LNX1: variants seen among roughly 807,000 people sequenced by gnomAD.
LNX1 encodes the protein ligand of numb-protein X 1.
Under a neutral mutation model 68.4 loss-of-function variants are expected in LNX1, and 54 were observed. The ratio of observed to expected loss-of-function variants is 0.79; its 90% CI spans 0.63 to 0.99. The LOEUF (loss-of-function observed/expected upper bound fraction) is 0.99. LNX1 is among the 50% of genes least tolerant of loss of function. The pLI, the probability that LNX1 is intolerant of heterozygous loss-of-function variation, is 0.00. For synonymous variants in LNX1, 336 were observed against 350.0 expected, an observed-to-expected ratio of 0.96 and a Z score of 0.45; for missense variants, 906 against 926.4, an observed-to-expected ratio of 0.98 and a Z score of 0.29.
chr4:53,564,938 G>C (rs908763118), intron 2 of LNX1, among the ~76,000 whole-genome samples: 1 of 152,146 alleles, frequency 6.6e-6, no homozygotes, highest in Non-Finnish European at 1.5e-5. Flanking sequence ...GCGCTTTTCC[G>C]ACGGGCTTAA....
At chr4:53,496,506 C>T (rs1159436056) in intron 5 of LNX1, 112 bp from the exon 6 acceptor site, 2 of 1,311,324 alleles carry the variant, frequency 1.5e-6, no homozygotes, top group South Asian at 1.5e-5. Context: ...GCTCTGCTCT[C>T]CCACCTCATC....
chr4:53,565,323 C>T (rs867618284), intron 2 of LNX1, among the ~76,000 whole-genome samples: 72 of 152,236 alleles, frequency 4.7e-4, no homozygotes, highest in Middle Eastern at 3.4e-3. Flanking sequence ...ACTCCCTCCT[C>T]AAGTGGGTCC....
chr4:53,587,485 T>C (rs1732247195), intron 1 of LNX1, among the ~76,000 whole-genome samples: 1 of 152,218 alleles, frequency 6.6e-6, no homozygotes, highest in African/African-American at 2.4e-5. Flanking sequence ...AAAGAGAGTC[T>C]ATGTAATGTC....
rs554641961 is a variant in LNX1, at chr4:53,537,056, G to A, written c.381-28829C>T. 1.9e-3 allele frequency among the ~76,000 whole-genome samples: 286 copies of A among 152,290 alleles called. 3 individuals are homozygous for A. The highest frequency in any genetic ancestry group is 0.017 in the South Asian group (84 of 4,816). On this transcript the variant is annotated intron_variant, in intron 2 of 10. Coordinates refer to ENST00000263925, the MANE Select transcript of LNX1 (RefSeq NM_001126328.3). ...TGAGCCACTAGGCATGCCATTAGGT[G>A]AAAAGACTCACCTCTAGGTTTGTTT...
At chr4:53,499,733 G>A (rs1725343683) in intron 4 of LNX1, among the ~76,000 whole-genome samples, 1 of 152,126 alleles carries the variant, frequency 6.6e-6, no homozygotes. Context: ...CAGGCTTGGG[G>A]GAACATCAGT....
At chr4:53,523,001 C>T (rs1311794313) in intron 2 of LNX1, 3 of 152,142 alleles carry the variant, frequency 2.0e-5, no homozygotes, top group Admixed American at 2.0e-4. Flanking sequence ...GGTTCTTAAC[C>T]TTGGCTGAGC....
At chr4:53,488,040 C>A (rs28404076) in intron 6 of LNX1, among the ~76,000 whole-genome samples, 35,445 of 152,034 alleles carry the variant, frequency 0.23, 4,518 homozygotes, top group South Asian at 0.53. Flanking sequence ...GGCACTGGTT[C>A]CATAAAATTA....
In LNX1 at chr4:53,647,279, CACAA is replaced by C. The variant is rs1447568786; in HGVS notation, c.-215+4885_-215+4888del. The stretch of plus-strand genomic sequence containing the variant: ...CCTAAATGTTTTAGTAATGTGCATA[CACAA>C]ACACACACACAATGAATAATTAAGC... On this transcript the variant is annotated intron_variant, in intron 1 of 2. Transcript: ENST00000507168. 6.6e-5 allele frequency among the ~76,000 whole-genome samples: 10 copies of C among 152,328 alleles called. No homozygotes were observed. The East Asian group carries it at 1.5e-3, about 23-fold the overall frequency.
intron 1 of LNX1, among the ~76,000 whole-genome samples, chr4:53,583,698 G>A (rs900728476): frequency 1.2e-4 from 19 of 152,268 alleles, no homozygotes; most frequent in African/African-American, 3.9e-4. Flanking sequence ...AAAAACAAGG[G>A]AAGTGGTTAA....
intron 1 of LNX1, among the ~76,000 whole-genome samples, chr4:53,584,410 C>G (rs1202313903): frequency 6.6e-6 from 1 of 152,040 alleles, no homozygotes; most frequent in South Asian, 2.1e-4. Context: ...AAAAACACTG[C>G]AAGAGAATAC....
At chr4:53,618,007 T>G (rs2109856248), upstream of LNX1, among the ~76,000 whole-genome samples, 1 of 152,308 alleles carries the variant, frequency 6.6e-6, no homozygotes, top group South Asian at 2.1e-4. Flanking sequence ...TTTATTTTTC[T>G]TATTGGTGTT....
At chr4:53,474,152 C>T (rs544710001) in intron 9 of LNX1, among the ~76,000 whole-genome samples, 1 of 152,146 alleles carries the variant, frequency 6.6e-6, no homozygotes, top group Non-Finnish European at 1.5e-5. Flanking sequence ...TTAACCAGTT[C>T]CTAATTGGCA....
rs533482566 is a variant in LNX1, at chr4:53,532,628, C to T, written c.381-24401G>A. ...GTCCCCATAGGAAATTCTCCTCATG[C>T]CAGTTGGAAAATAACATTCCCTATG... is the stretch of plus-strand genomic sequence containing the variant. On this transcript the variant is annotated intron_variant, in intron 2 of 10. Transcript: ENST00000263925. 3.9e-5 allele frequency among the ~76,000 whole-genome samples: 6 copies of T among 152,258 alleles called. No individual in the cohort carries two copies. In the South Asian group the frequency reaches 1.2e-3, roughly 32 times the overall value.
At chr4:53,570,611 G>A (rs569311252) in intron 2 of LNX1, among the ~76,000 whole-genome samples, 2,495 of 150,896 alleles carry the variant, frequency 0.017, 36 homozygotes, top group Non-Finnish European at 0.027. Flanking sequence ...ACATGTATAC[G>A]TATGTAACTA....
rs745375771 is a variant in LNX1 at position 53,574,043 on chromosome 4, A to G, written c.-41T>C. ...AGTATAACAGGAAACTCAGTCACAC[A>G]ATATTTCCTCAGGAGCAAGTCAAGA... On this transcript the variant is annotated 5_prime_UTR_variant, in exon 2 of 11. Transcript: ENST00000263925. 1.3e-4 allele frequency: 201 copies of G among 1,566,334 alleles called. No individual in the cohort carries two copies. The highest frequency in any genetic ancestry group is 3.6e-4 in the Admixed American group (20 of 55,200).
chr4:53,605,051 C>T (rs572681259), intron 2 of LNX1, among the ~76,000 whole-genome samples: 1 of 152,212 alleles, frequency 6.6e-6, no homozygotes, highest in African/African-American at 2.4e-5. Flanking sequence ...AAGCTGCCAG[C>T]TCAGTTAAGG....
chr4:53,587,494 TC>T (rs1163372640), intron 1 of LNX1, among the ~76,000 whole-genome samples: 4 of 152,184 alleles, frequency 2.6e-5, no homozygotes, highest in African/African-American at 9.7e-5. Flanking sequence ...CTATGTAATG[TC>T]AGTACATAAA....
chr4:53,502,424 T>A (rs56357115), intron 4 of LNX1, among the ~76,000 whole-genome samples: 2 of 152,228 alleles, frequency 1.3e-5, no homozygotes, highest in African/African-American at 4.8e-5. Flanking sequence ...AGCATGTTTT[T>A]TAAAATGTAC....
At chr4:53,503,123 A>G (rs1206029222) in intron 4 of LNX1, among the ~76,000 whole-genome samples, 1 of 152,080 alleles carries the variant, frequency 6.6e-6, no homozygotes, top group African/African-American at 2.4e-5. Context: ...CCACATCTAT[A>G]GTTACTTTTC....
Sources: gnomAD v4.1 joint callset for allele counts (sites outside exome capture counted in the v4.1 genomes callset) on GRCh38, gnomAD v4.1.1 for gene constraint, MANE v1.5 for transcripts, NCBI Gene and HGNC (gene_info 2026-07-23, HGNC 2026-07-21) for gene names.